The following TMEM132C variants were observed in gnomAD, a reference collection of about 807,000 sequenced individuals.
TMEM132C encodes transmembrane protein 132C, also known as protein phosphatase 1, regulatory subunit 152.
In TMEM132C, 29 loss-of-function variants were observed where a neutral mutation model predicts 61.4. The observed-to-expected ratio is 0.47, with a 90% CI of 0.35 to 0.64. The LOEUF (loss-of-function observed/expected upper bound fraction) is 0.64, where lower values mean the gene tolerates loss of function less well. TMEM132C is among the 30% of genes least tolerant of loss of function. The probability of loss-of-function intolerance (pLI) is 0.00; values close to 1 mark genes in which losing one functional copy is unlikely to be tolerated. For synonymous variants in TMEM132C, 656 were observed against 633.1 expected (o/e 1.04, Z -0.54); for missense variants, 1,408 against 1,476.9 (o/e 0.95, Z 0.76).
intron 2 of TMEM132C, among the ~76,000 whole-genome samples, chr12:128,452,595 G>T (rs145669995): frequency 6.8e-6 from 1 of 146,756 alleles, no homozygotes; most frequent in Non-Finnish European, 1.5e-5. Context: ...GTTGTAGGGG[G>T]CCGGGTGCTG....
intron 4 of TMEM132C, among the ~76,000 whole-genome samples, chr12:128,649,164 A>G (rs907268752): frequency 4.6e-5 from 7 of 152,238 alleles, no homozygotes; most frequent in Non-Finnish European, 7.3e-5. Flanking sequence ...CTCCCACAAC[A>G]GACTACTGAT....
At chr12:128,552,768 C>A (rs1349357430) in intron 3 of TMEM132C, among the ~76,000 whole-genome samples, 1 of 152,054 alleles carries the variant, frequency 6.6e-6, no homozygotes, top group Non-Finnish European at 1.5e-5. Context: ...TTAAGCTGTT[C>A]ATGGTGGTGC....
intron 2 of TMEM132C, among the ~76,000 whole-genome samples, chr12:128,514,157 A>G (rs1158221087): frequency 6.6e-6 from 1 of 152,218 alleles, no homozygotes; most frequent in Non-Finnish European, 1.5e-5. Flanking sequence ...AAGCATCACA[A>G]TCCAAGTTGG....
chr12:128,350,973 T>C (rs1873319964), intron 1 of TMEM132C, among the ~76,000 whole-genome samples: 1 of 152,074 alleles, frequency 6.6e-6, no homozygotes, highest in Admixed American at 6.6e-5. Flanking sequence ...TACTGAATCA[T>C]GAGGTGGCCC....
At chr12:128,279,014 G>C (rs11059621) in intron 1 of TMEM132C, among the ~76,000 whole-genome samples, 62,301 of 151,860 alleles carry the variant, frequency 0.41, 13,110 homozygotes, top group Admixed American at 0.47. Context: ...GGACTTGCCA[G>C]ACTCCATAAT....
chr12:128,385,290 G>C (rs148954668), intron 1 of TMEM132C, among the ~76,000 whole-genome samples: 171 of 41,452 alleles, frequency 4.1e-3, no homozygotes, highest in South Asian at 9.1e-3. Context: ...AGACATAATC[G>C]CCGAGTCCTC....
At chr12:128,664,239 T>A (rs751517788) in intron 4 of TMEM132C, among the ~76,000 whole-genome samples, 9,436 of 106,612 alleles carry the variant, frequency 0.089, 861 homozygotes, top group African/African-American at 0.31. Flanking sequence ...ATGAAGTCGT[T>A]CCAGAAGTAA....
intron 2 of TMEM132C, among the ~76,000 whole-genome samples, chr12:128,430,099 A>G (rs1869335241): frequency 6.6e-6 from 1 of 152,192 alleles, no homozygotes; most frequent in South Asian, 2.1e-4. Flanking sequence ...GAGTCTCCAG[A>G]GAGTTCAAGA....
intron 2 of TMEM132C, among the ~76,000 whole-genome samples, chr12:128,442,238 C>G (rs989716330): frequency 6.6e-6 from 1 of 152,162 alleles, no homozygotes; most frequent in African/African-American, 2.4e-5. Flanking sequence ...CTGTTGGTTT[C>G]TGATTGATTT....
rs181464834 is a variant in TMEM132C, at chr12:128,570,470, C to T, written c.1121+26367C>T. Among the ~76,000 whole-genome samples, 12 of 152,246 alleles carry T rather than the reference C, an allele frequency of 7.9e-5. No homozygotes were observed. The highest frequency in any genetic ancestry group is 7.7e-4 in the East Asian group (4 of 5,188). On this transcript the variant is annotated intron_variant, in intron 3 of 8. Transcript: ENST00000435159. The surrounding 1 kb of genome is among the most constrained non-coding windows in gnomAD (Gnocchi z 4.7). ...TTGCTTGGTTTTGCCTTCTTTTTTA[C>T]GTGTCACTCCCCTAATGGGTGTTTT...
At chr12:128,516,631 G>A (rs1480645411) in intron 2 of TMEM132C, among the ~76,000 whole-genome samples, 2 of 152,038 alleles carry the variant, frequency 1.3e-5, no homozygotes, top group African/African-American at 4.8e-5. Flanking sequence ...AAAAGATTGA[G>A]TCAGACATGG....
At chr12:128,493,966 G>C (rs924898299) in intron 2 of TMEM132C, among the ~76,000 whole-genome samples, 3 of 152,138 alleles carry the variant, frequency 2.0e-5, no homozygotes, top group Non-Finnish European at 4.4e-5. Context: ...TGCCCATTCA[G>C]TATGATATTG....
intron 1 of TMEM132C, among the ~76,000 whole-genome samples, chr12:128,297,796 T>C (rs1363729626): frequency 6.6e-6 from 1 of 152,142 alleles, no homozygotes; most frequent in Non-Finnish European, 1.5e-5. Flanking sequence ...TAAAACCCAA[T>C]CATTTACCTC....
chr12:128,532,852 C>T (rs1324453185), intron 2 of TMEM132C, among the ~76,000 whole-genome samples: 2 of 152,038 alleles, frequency 1.3e-5, no homozygotes, highest in African/African-American at 4.8e-5. Flanking sequence ...GCCATGCTCC[C>T]TGGATGAGAC....
intron 2 of TMEM132C, among the ~76,000 whole-genome samples, chr12:128,435,956 G>T (rs1055356134): frequency 6.6e-6 from 1 of 152,126 alleles, no homozygotes; most frequent in Non-Finnish European, 1.5e-5. Context: ...CAGAGATATA[G>T]ACCAATGGAA....
At chr12:128,382,389 C>A (rs1013653791) in intron 1 of TMEM132C, among the ~76,000 whole-genome samples, 2 of 152,192 alleles carry the variant, frequency 1.3e-5, no homozygotes, top group South Asian at 2.1e-4. Context: ...ATAGCGCTGA[C>A]TGATAGAACT....
intron 2 of TMEM132C, among the ~76,000 whole-genome samples, chr12:128,464,939 A>G (rs1565943916): frequency 2.0e-5 from 3 of 152,172 alleles, no homozygotes; most frequent in South Asian, 2.1e-4. Context: ...CAGTGAGTGA[A>G]TGGAGATGAG....
At chr12:128,496,333 G>T (rs576726885) in intron 2 of TMEM132C, among the ~76,000 whole-genome samples, 1 of 152,096 alleles carries the variant, frequency 6.6e-6, no homozygotes, top group East Asian at 1.9e-4. Context: ...TTCTCCAGGA[G>T]TATCTTTGTG....
chr12:128,542,859 CA>C (rs59362697), intron 2 of TMEM132C, among the ~76,000 whole-genome samples: 24,991 of 81,250 alleles, frequency 0.31, 1,907 homozygotes, highest in Non-Finnish European at 0.38. Flanking sequence ...TACTTCGATG[CA>C]AAAAAAAAAA....
Sources: gnomAD v4.1 joint callset for allele counts (sites outside exome capture counted in the v4.1 genomes callset) on GRCh38, gnomAD v4.1.1 for gene constraint, Gnocchi (gnomAD v3.1) non-coding constraint, MANE v1.5 for transcripts, NCBI Gene and HGNC (gene_info 2026-07-23, HGNC 2026-07-21) for gene names.